LPAR1: variants seen among roughly 807,000 people sequenced by gnomAD.
LPAR1 encodes the protein lysophosphatidic acid receptor 1.
A neutral mutation model predicts 23.8 loss-of-function variants in LPAR1; 5 were observed. That is an observed-to-expected ratio of 0.21 (90% CI 0.11 to 0.44). LPAR1 has a LOEUF of 0.44. LPAR1 is among the 20% of genes least tolerant of loss of function. The pLI is 0.99. For synonymous variants in LPAR1, 160 were observed against 164.7 expected, an observed-to-expected ratio of 0.97 and a Z score of 0.22; for missense variants, 311 against 482.8, an observed-to-expected ratio of 0.64 and a Z score of 3.33.
At chr9:110,949,181 T>C (rs2095491210) in intron 4 of LPAR1, among the ~76,000 whole-genome samples, 1 of 152,024 alleles carries the variant, frequency 6.6e-6, no homozygotes, top group South Asian at 2.1e-4. Context: ...AACACCAAAC[T>C]TCTCTGGAGG....
chr9:111,016,153 C>T (rs756925206), intron 2 of LPAR1, among the ~76,000 whole-genome samples: 1 of 152,126 alleles, frequency 6.6e-6, no homozygotes, highest in Admixed American at 6.6e-5. Flanking sequence ...TTCAATGAAG[C>T]CTTTTATGGG....
chr9:110,928,734 T>A (rs187313941), intron 5 of LPAR1, among the ~76,000 whole-genome samples: 1 of 152,122 alleles, frequency 6.6e-6, no homozygotes, highest in South Asian at 2.1e-4. Flanking sequence ...TGGACCAATA[T>A]ACAAAGGAGT....
At chr9:110,985,470 A>C (rs1220629244) in intron 2 of LPAR1, among the ~76,000 whole-genome samples, 1 of 152,112 alleles carries the variant, frequency 6.6e-6, no homozygotes. Flanking sequence ...AGGAAGAAAT[A>C]CAACTAGCCC....
In LPAR1 at chr9:110,972,056, T is replaced by C; in HGVS notation, c.45+17A>G. On this transcript the variant is annotated intron_variant, in intron 4 of 5. Coordinates refer to ENST00000683809, the MANE Select transcript of LPAR1 (RefSeq NM_001351411.2). ...ACTTACGATTACCTCAGACCTCTGC[T>C]AGTTTGAAGCCCTTACCTGGGGCTG... 3.7e-6 allele frequency: 6 copies of C among 1,610,656 alleles called. No individual in the cohort carries two copies. The highest frequency in any genetic ancestry group is 5.1e-6 in the Non-Finnish European group (6 of 1,176,888).
rs10817116 is a variant in LPAR1, at chr9:110,942,777, A to C, written c.46-609T>G. Among the ~76,000 whole-genome samples, 55 of 151,908 alleles carry C rather than the reference A, an allele frequency of 3.6e-4. 1 individual carries two copies. The highest frequency in any genetic ancestry group is 1.2e-3 in the African/African-American group (50 of 41,462). On this transcript the variant is annotated intron_variant, in intron 4 of 5. Coordinates refer to ENST00000683809, the MANE Select transcript of LPAR1 (RefSeq NM_001351411.2). ...GTGGTCAGCACTGCCTACCCCCACA[A>C]CTCCTTAAGTTCAGAATAGGACTTG... is the stretch of plus-strand genomic sequence containing the variant.
chr9:110,922,376 A>G (rs989072718), intron 5 of LPAR1, among the ~76,000 whole-genome samples: 1 of 152,206 alleles, frequency 6.6e-6, no homozygotes, highest in Admixed American at 6.5e-5. Context: ...GATATCTGCT[A>G]TAATAAAAAT....
chr9:110,957,301 T>C (rs374977153), intron 4 of LPAR1, among the ~76,000 whole-genome samples: 6 of 150,602 alleles, frequency 4.0e-5, no homozygotes, highest in Non-Finnish European at 5.9e-5. Context: ...GATTATGCCA[T>C]TGCACTCCAA....
rs148811811 is a variant in LPAR1, at chr9:110,963,576, T to A, written c.45+8497A>T. On this transcript the variant is annotated intron_variant, in intron 4 of 5. Coordinates refer to ENST00000683809, the MANE Select transcript of LPAR1 (RefSeq NM_001351411.2). ...TAATGTTAAATGACGAGTTAATGGG[T>A]GCAGAACACCAACATGGCACATGTA... Among the ~76,000 whole-genome samples the A allele has an allele frequency of 6.5e-3, 982 of 152,200 alleles. 11 individuals are homozygous for A. Among genetic ancestry groups the A allele is most frequent in the African/African-American group, 0.022 (921 of 41,518 alleles).
Position 110,973,533 on chromosome 9 carries a change from G to C in LPAR1, c.-156C>G, listed in dbSNP as rs953922848. ...AGTCAGGTACTCAGATAGGTGGATGGGGAGCTTCATAAATCAGACGTCCAC... is the reference window on the plus strand; with the variant it reads ...AGTCAGGTACTCAGATAGGTGGATGCGGAGCTTCATAAATCAGACGTCCAC... On this transcript the variant is annotated 5_prime_UTR_variant, in exon 3 of 6. Coordinates refer to ENST00000683809, the MANE Select transcript of LPAR1 (RefSeq NM_001351411.2). 1 of 152,164 alleles carries C rather than the reference G, an allele frequency of 6.6e-6. No individual in the cohort carries two copies. Among genetic ancestry groups the C allele is most frequent in the Non-Finnish European group, 1.5e-5 (1 of 68,030 alleles). The allele number at this position is 152,164 out of a possible 1,614,324, so 9.4% of individuals were successfully genotyped here. A position where few individuals can be genotyped will look rare whatever the true frequency, so the allele number is the denominator to read the frequency against.
Position 110,874,644 on chromosome 9 carries a change from C to T in LPAR1, c.*777G>A, listed in dbSNP as rs1317066870. 6.6e-6 allele frequency: 1 copy of T among 152,562 alleles called. No homozygotes were observed. The highest frequency in any genetic ancestry group is 1.5e-5 in the Non-Finnish European group (1 of 68,010). 9.5% of individuals were successfully genotyped at this position (152,562 alleles called of 1,614,324 possible). The stretch of plus-strand genomic sequence containing the variant: ...GAACAATATTATAGTGCTTCATCTT[C>T]TATGACTTTTTTGGAATACATATCA... On this transcript the variant is annotated 3_prime_UTR_variant, in exon 6 of 6. Transcript: ENST00000683809.
At chr9:110,879,413 A>G in intron 5 of LPAR1, among the ~76,000 whole-genome samples, 1 of 117,390 alleles carries the variant, frequency 8.5e-6, no homozygotes, top group African/African-American at 3.3e-5. Flanking sequence ...GCAAGACTCC[A>G]TCTCAAAAAA....
intron 5 of LPAR1, among the ~76,000 whole-genome samples, chr9:110,920,138 T>A (rs567114751): frequency 5.5e-4 from 84 of 152,302 alleles, no homozygotes; most frequent in African/African-American, 1.9e-3. Flanking sequence ...TGCACAAAAT[T>A]ATACCCTGAT....
intron 4 of LPAR1, among the ~76,000 whole-genome samples, chr9:110,954,537 T>A (rs1393379994): frequency 2.6e-5 from 4 of 151,704 alleles, no homozygotes; most frequent in Non-Finnish European, 5.9e-5. Context: ...CTATCAAAAG[T>A]CAAGGACAAA....
chr9:110,906,828 G>A (rs917375589), intron 5 of LPAR1, among the ~76,000 whole-genome samples: 4 of 152,112 alleles, frequency 2.6e-5, no homozygotes, highest in African/African-American at 9.6e-5. Flanking sequence ...ATATTTACTT[G>A]TAAAACCAAA....
intron 2 of LPAR1, among the ~76,000 whole-genome samples, chr9:110,978,286 T>C (rs2096601290): frequency 6.6e-6 from 1 of 152,134 alleles, no homozygotes; most frequent in Admixed American, 6.5e-5. Context: ...GAAAGTAGAA[T>C]ATTTTTAAAA....
intron 4 of LPAR1, among the ~76,000 whole-genome samples, chr9:110,946,398 T>C (rs2095380683): frequency 6.6e-6 from 1 of 152,154 alleles, no homozygotes; most frequent in Admixed American, 6.5e-5. Context: ...TGTATCTTGA[T>C]GAGATTTTGG....
intron 2 of LPAR1, among the ~76,000 whole-genome samples, chr9:111,017,917 G>A (rs2097486777): frequency 6.6e-6 from 1 of 152,162 alleles, no homozygotes; most frequent in Non-Finnish European, 1.5e-5. Flanking sequence ...TACTAGGGAG[G>A]CTGAGGCAGG....
chr9:111,038,782 C>A, upstream of LPAR1: 1 of 336,936 alleles, frequency 3.0e-6, no homozygotes, highest in Non-Finnish European at 5.9e-6. This position sits in a 1 kb window ranked among gnomAD's most constrained non-coding sequence, Gnocchi z 4.4. Context: ...TCAGCAGCCT[C>A]CCCCGCCCCG....
At chr9:110,918,118 T>C in intron 5 of LPAR1, among the ~76,000 whole-genome samples, 1 of 152,040 alleles carries the variant, frequency 6.6e-6, no homozygotes, top group East Asian at 1.9e-4. Flanking sequence ...ATGGGGTTTT[T>C]CCATGTCATC....
Sources: gnomAD v4.1 joint callset for allele counts (sites outside exome capture counted in the v4.1 genomes callset) on GRCh38, gnomAD v4.1.1 for gene constraint, Gnocchi (gnomAD v3.1) non-coding constraint, MANE v1.5 for transcripts, NCBI Gene and HGNC (gene_info 2026-07-23, HGNC 2026-07-21) for gene names.